PAPLN: variants seen among roughly 807,000 people sequenced by gnomAD.
The protein encoded by PAPLN is papilin, proteoglycan like sulfated glycoprotein.
PAPLN carries 146 observed loss-of-function variants against 159.0 expected under a neutral mutation model. The ratio of observed to expected loss-of-function variants is 0.92; its 90% CI spans 0.80 to 1.05. The LOEUF is 1.05. Ranked by LOEUF, PAPLN falls within the 50% of genes least tolerant of loss-of-function variation. The pLI is 0.00. For missense variants in PAPLN, 1,720 were observed against 1,743.9 expected, an observed-to-expected ratio of 0.99 and a Z score of 0.24; for synonymous variants, 734 against 702.9, an observed-to-expected ratio of 1.04 and a Z score of -0.70.
intron 11 of PAPLN, 64 bp downstream of exon 11, chr14:73,252,839 G>T: frequency 6.2e-7 from 1 of 1,600,640 alleles, no homozygotes; most frequent in South Asian, 1.1e-5. Context: ...AAGGGAACAA[G>T]GCCTCCAAGC....
In PAPLN at chr14:73,272,476, C is replaced by T. The variant is rs1444499334; in HGVS notation, c.3668-19C>T. The T allele has an allele frequency of 4.0e-6, 6 of 1,495,962 alleles. No individual in the cohort carries two copies. In the Admixed American group the frequency reaches 1.3e-4, roughly 32 times the overall value. 92.7% of individuals were successfully genotyped at this position (1,495,962 alleles called of 1,614,324 possible). On this transcript the variant is annotated intron_variant, in intron 26 of 26. Coordinates refer to ENST00000644200, the MANE Select transcript of PAPLN (RefSeq NM_001365906.3). ...ACAGAGCTTCCTCACCACCTTCTCT[C>T]TCCCCTGTCGTTCTGCAGCACCCAC...
intron 19 of PAPLN, chr14:73,263,362 TC>T: frequency 1.9e-6 from 1 of 538,800 alleles, no homozygotes; most frequent in Non-Finnish European, 3.3e-6. Context: ...GTGTGTGCCG[TC>T]CCTCCCGACC....
chr14:73,244,805 G>A (rs2280793), intron 3 of PAPLN, 46 bp downstream of exon 3: 194,752 of 1,448,224 alleles, frequency 0.13, 16,330 homozygotes, highest in East Asian at 0.46. Flanking sequence ...AGGAGCAGGG[G>A]ATGCTGCCTT....
rs571789969 is a variant in PAPLN at position 73,265,576 on chromosome 14, G to A, written c.3263+69G>A. On this transcript the variant is annotated intron_variant, in intron 23 of 26. Transcript: ENST00000644200. This position sits in a 1 kb window ranked among gnomAD's most constrained non-coding sequence, Gnocchi z 4.1. ...CCCACCTTATCCTATGGAGGCCACC[G>A]GGGAAGGGAGCTGCTAGCGCATGGT... The A allele has an allele frequency of 2.9e-4, 452 of 1,571,150 alleles. 5 individuals are homozygous for A. In the African/African-American group the frequency reaches 5.2e-3, roughly 18 times the overall value.
Position 73,265,751 on chromosome 14 carries a change from G to T in PAPLN, c.3263+244G>T, listed in dbSNP as rs1430867568. ...TAAGAGGCCAGCTAACAGAGGTGAT[G>T]ACGGAAGAAGAAAATGGAGTCAGAA... On this transcript the variant is annotated intron_variant, in intron 23 of 26. Transcript: ENST00000644200. The surrounding 1 kb of genome is among the most constrained non-coding windows in gnomAD (Gnocchi z 4.1). Among the ~76,000 whole-genome samples the T allele has an allele frequency of 6.6e-6, 1 of 152,226 alleles. No individual in the cohort carries two copies. The highest frequency in any genetic ancestry group is 1.5e-5 in the Non-Finnish European group (1 of 68,044).
In PAPLN at chr14:73,274,514, G is replaced by A. The variant is rs887508723; in HGVS notation, c.*1850G>A. ...CATTCAACAAAGGAAATGTGGGCTG[G>A]GGCAGAGGTCTTTTTTCATTTAATA... On this transcript the variant is annotated 3_prime_UTR_variant, in exon 27 of 27. Transcript: ENST00000644200. 2 of 152,178 alleles carry A rather than the reference G, an allele frequency of 1.3e-5. No individual in the cohort carries two copies. Among genetic ancestry groups the A allele is most frequent in the African/African-American group, 4.8e-5 (2 of 41,434 alleles). The allele number at this position is 152,178 out of a possible 1,614,324, so 9.4% of individuals were successfully genotyped here.
intron 1 of PAPLN, among the ~76,000 whole-genome samples, chr14:73,239,170 C>T (rs1207017065): frequency 6.6e-6 from 1 of 152,186 alleles, no homozygotes; most frequent in South Asian, 2.1e-4. Flanking sequence ...CACTGCACTG[C>T]ACTTTCAGGG....
rs757643098 is a variant in PAPLN at position 73,252,003 on chromosome 14, A to T, written c.844-15A>T. ...TCCCCAGCAGCAGACCCCAACAAGGACTCTCCCGTGACAGCTCATCAGCCA... is the reference window on the plus strand; with the variant it reads ...TCCCCAGCAGCAGACCCCAACAAGGTCTCTCCCGTGACAGCTCATCAGCCA... On this transcript the variant is annotated splice_polypyrimidine_tract_variant and intron_variant, in intron 9 of 26. Transcript: ENST00000644200. The T allele has an allele frequency of 2.5e-6, 4 of 1,597,384 alleles. No homozygotes were observed. In the Admixed American group the frequency reaches 5.1e-5, roughly 20 times the overall value.
intron 10 of PAPLN, 140 bp from the exon 11 acceptor site, chr14:73,252,506 TGTG>T (rs1382309425): frequency 9.0e-7 from 1 of 1,111,156 alleles, no homozygotes; most frequent in Non-Finnish European, 1.2e-6. Flanking sequence ...CAATTGGAGA[TGTG>T]GTGGCACCTG....
rs1885180486 is a variant in PAPLN at position 73,250,946 on chromosome 14, G to A, written c.505G>A (p.Glu169Lys). The A allele has an allele frequency of 1.9e-6, 3 of 1,613,790 alleles. No individual in the cohort carries two copies. Among genetic ancestry groups the A allele is most frequent in the Non-Finnish European group, 2.5e-6 (3 of 1,179,962 alleles). The change falls in exon 7 of 27, where the codon GAG becomes AAG. Residue 169 changes from glutamate (E) to lysine (K), a missense_variant. By Grantham distance (56) the Glu-to-Lys change is moderately conservative. Transcript: ENST00000644200. ...CDHELDSSKQEDKCLRCGGDG... is the reference protein window; with the variant it reads ...CDHELDSSKQKDKCLRCGGDG... ...TCACGAGCTGGACTCGTCCAAGCAGGAGGACAAGTGTCTGCGGTGTGGGGG... is the reference window on the plus strand; with the variant it reads ...TCACGAGCTGGACTCGTCCAAGCAGAAGGACAAGTGTCTGCGGTGTGGGGG...
chr14:73,261,299 G>A lies in PAPLN; in HGVS notation c.2245+5G>A. On this transcript the variant is annotated splice_donor_5th_base_variant and intron_variant, in intron 18 of 26. Coordinates refer to ENST00000644200, the MANE Select transcript of PAPLN (RefSeq NM_001365906.3). ...GTGTGGGCCAGCCCAGCCATGGTGA[G>A]TGGACACCCCCTCTCCTCCTTCTCG... The A allele has an allele frequency of 6.2e-7, 1 of 1,613,410 alleles. No individual in the cohort carries two copies. Among genetic ancestry groups the A allele is most frequent in the Non-Finnish European group, 8.5e-7 (1 of 1,179,892 alleles).
intron 17 of PAPLN, among the ~76,000 whole-genome samples, 159 bp from the exon 18 acceptor site, chr14:73,260,997 G>A (rs1296331480): frequency 1.3e-5 from 2 of 152,152 alleles, no homozygotes; most frequent in Non-Finnish European, 2.9e-5. Context: ...GATGGGCCTG[G>A]GGTGGATCAG....
At position 73,264,652 on chromosome 14, in the gene PAPLN, T is replaced by C; in HGVS notation, c.3051T>C (p.Ala1017=). ...GCTTCCCTCAGCCCAGGGACCCAGC[T>C]CAGGACTTTGGCCAAGCGGGGGCTG... The part of the protein sequence containing the change: ...LSRFPQPRDP[A]QDFGQAGAAG... The change falls in exon 22 of 27, where the codon GCT becomes GCC. Residue 1017 remains alanine (A), a synonymous_variant. Transcript: ENST00000644200. The C allele has an allele frequency of 6.2e-7, 1 of 1,607,874 alleles. No individual in the cohort carries two copies. Among genetic ancestry groups the C allele is most frequent in the Non-Finnish European group, 8.5e-7 (1 of 1,178,472 alleles).
chr14:73,236,951 T>C (rs749658324), upstream of PAPLN, among the ~76,000 whole-genome samples: 1 of 126,776 alleles, frequency 7.9e-6, no homozygotes, highest in Non-Finnish European at 1.7e-5. Flanking sequence ...GGGAGGAAAG[T>C]AGAAAGAAAG....
At position 73,256,547 on chromosome 14, in the gene PAPLN, A is replaced by AAG. The variant is rs1555362919; in HGVS notation, c.1627+1530_1627+1531insGA. 9.2e-5 allele frequency among the ~76,000 whole-genome samples: 14 copies of AAG among 151,640 alleles called. No individual in the cohort carries two copies. In the East Asian group the frequency reaches 2.3e-3, roughly 25 times the overall value. ...GACTCTGTCTCAAAAAAAAAAAAAA[A>AAG]AAAAGAAATAGATTTTACCACATAT... On this transcript the variant is annotated intron_variant, in intron 14 of 26. Coordinates refer to ENST00000644200, the MANE Select transcript of PAPLN (RefSeq NM_001365906.3).
chr14:73,259,573 TC>T, intron 16 of PAPLN, 28 bp downstream of exon 16: 1 of 1,475,522 alleles, frequency 6.8e-7, no homozygotes. Context: ...GTCTTCCTCC[TC>T]CCCCGTCAAA....
chr14:73,256,178 G>T (rs1885885688), intron 14 of PAPLN, among the ~76,000 whole-genome samples: 1 of 152,132 alleles, frequency 6.6e-6, no homozygotes, highest in African/African-American at 2.4e-5. Context: ...GGCCTTGTTG[G>T]CTTCTAAAAG....
chr14:73,258,595 G>A (rs1453874831), intron 14 of PAPLN, among the ~76,000 whole-genome samples: 1 of 114,036 alleles, frequency 8.8e-6, no homozygotes, highest in East Asian at 3.3e-4. Flanking sequence ...ACAAGCCTGG[G>A]CAATATAGAA....
In PAPLN at chr14:73,253,258, C is replaced by G. The variant is rs560808743; in HGVS notation, c.1094+483C>G. 3.6e-4 allele frequency: 492 copies of G among 1,355,394 alleles called. 2 individuals are homozygous for G. The African/African-American group carries it at 5.1e-3, about 14-fold the overall frequency. The allele number at this position is 1,355,394 out of a possible 1,614,324, so 84.0% of individuals were successfully genotyped here. On this transcript the variant is annotated intron_variant, in intron 11 of 26. Coordinates refer to ENST00000644200, the MANE Select transcript of PAPLN (RefSeq NM_001365906.3). The stretch of plus-strand genomic sequence containing the variant: ...TGCAGGTCACAGGCTCCCCGCAGGG[C>G]TGGTGCCACCCTGTCACCGCTTGGC...
Sources: allele counts gnomAD v4.1 joint callset (sites outside exome capture counted in the v4.1 genomes callset), GRCh38; gene constraint gnomAD v4.1.1; non-coding constraint Gnocchi (gnomAD v3.1); transcripts MANE v1.5; gene names NCBI Gene and HGNC (gene_info 2026-07-23, HGNC 2026-07-21).